The following POLN variants were observed in gnomAD, a reference collection of about 807,000 sequenced individuals.
The protein encoded by POLN is DNA polymerase N.
Under a neutral mutation model 113.5 loss-of-function variants are expected in POLN, and 108 were observed. That is an observed-to-expected ratio of 0.95 (90% confidence interval 0.81 to 1.12). The LOEUF (loss-of-function observed/expected upper bound fraction) is 1.12, where lower values mean the gene tolerates loss of function less well. Ranked by LOEUF, POLN falls within the 50% of genes most tolerant of loss-of-function variation. The probability of loss-of-function intolerance (pLI) is 0.00; values close to 1 mark genes in which losing one functional copy is unlikely to be tolerated. For synonymous variants in POLN, 386 were observed against 391.5 expected (o/e 0.99, Z 0.17); for missense variants, 1,097 against 1,077.1 (o/e 1.02, Z -0.26).
chr4:2,187,293 A>G (rs9996941), intron 7 of POLN, among the ~76,000 whole-genome samples: 37,515 of 152,006 alleles, frequency 0.25, 7,154 homozygotes, highest in African/African-American at 0.52. Context: ...GCTCAGGCGG[A>G]AGTGCAATGG....
intron 16 of POLN, among the ~76,000 whole-genome samples, chr4:2,143,766 T>G (rs1217522465): frequency 6.6e-6 from 1 of 152,042 alleles, no homozygotes; most frequent in Non-Finnish European, 1.5e-5. Flanking sequence ...ACACACAAAA[T>G]CCTTTAATAA....
chr4:2,199,176 G>C (rs1274848968), intron 5 of POLN, among the ~76,000 whole-genome samples: 1 of 151,964 alleles, frequency 6.6e-6, no homozygotes, highest in East Asian at 1.9e-4. Flanking sequence ...TTTTTAAAAC[G>C]ACCATTTATA....
chr4:2,170,688 T>C lies in POLN; in HGVS notation c.1545A>G (p.Ser515=). The change falls in exon 13 of 26, where the codon TCA becomes TCG. Residue 515 remains serine, a synonymous_variant. Transcript: ENST00000511885. ...RTGLQKYPST[S]EAVLNALRDL... ...AACTCTGAAACCTTACCACTGCTTC[T>C]GATGTAGACGGGTATTTCTGCAACC... 6.2e-7 allele frequency: 1 copy of C among 1,612,948 alleles called. No individual in the cohort carries two copies. The highest frequency in any genetic ancestry group is 2.2e-5 in the East Asian group (1 of 44,888).
chr4:2,143,713 A>G (rs1033996564), intron 16 of POLN, among the ~76,000 whole-genome samples: 8 of 152,256 alleles, frequency 5.3e-5, no homozygotes, highest in African/African-American at 1.9e-4. Context: ...AGTACCCTGA[A>G]ACAAAAACCA....
chr4:2,221,764 A>C (rs546367986), intron 3 of POLN, among the ~76,000 whole-genome samples: 2 of 152,206 alleles, frequency 1.3e-5, no homozygotes, highest in East Asian at 3.9e-4. Flanking sequence ...TAGTAGAGAC[A>C]GGGTTCCACC....
At chr4:2,232,266 TC>T (rs1396412684) in intron 2 of POLN, 4 of 523,986 alleles carry the variant, frequency 7.6e-6, no homozygotes, top group Non-Finnish European at 9.8e-6. Flanking sequence ...CTTAATAACT[TC>T]CCGCAATTTT....
intron 13 of POLN, among the ~76,000 whole-genome samples, chr4:2,160,270 C>T (rs909942960): frequency 1.3e-5 from 2 of 152,028 alleles, no homozygotes; most frequent in Admixed American, 6.6e-5. Flanking sequence ...AGCCCCTGTT[C>T]GTGTCTTTTG....
intron 13 of POLN, among the ~76,000 whole-genome samples, chr4:2,161,663 C>T (rs551436): frequency 0.75 from 113,582 of 151,820 alleles, 45,263 homozygotes; most frequent in Non-Finnish European, 0.89. Context: ...GCGCACGGCA[C>T]CGGGACTGGC....
chr4:2,238,696 G>A (rs1734854673), intron 2 of POLN: 1 of 1,612,704 alleles, frequency 6.2e-7, no homozygotes, highest in African/African-American at 1.3e-5. Flanking sequence ...ATTGCTTGTA[G>A]AGCATCATGT....
intron 13 of POLN, among the ~76,000 whole-genome samples, chr4:2,169,297 A>C (rs1732803679): frequency 6.6e-6 from 1 of 152,164 alleles, no homozygotes; most frequent in African/African-American, 2.4e-5. Context: ...CTTTTAAAGG[A>C]TCACTCTAGG....
At position 2,085,644 on chromosome 4, in the gene POLN, G is replaced by C. The variant is rs1730530699; in HGVS notation, c.2166C>G (p.Ala722=). 6.2e-7 allele frequency: 1 copy of C among 1,614,056 alleles called. No individual in the cohort carries two copies. Among genetic ancestry groups the C allele is most frequent in the Non-Finnish European group, 8.5e-7 (1 of 1,180,032 alleles). ...GGTGACACTGGGCAATAGCTGCTCG[G>C]GCGAAGTCCTTGATTTTCTTGTACT... is the stretch of plus-strand genomic sequence containing the variant. ...LQKYKKIKDF[A]RAAIAQCHQT... Residue 722 remains alanine, a synonymous_variant, in exon 21 of 26, where the codon GCC becomes GCG. Transcript: ENST00000511885.
At chr4:2,137,014 C>T (rs1731874005) in intron 16 of POLN, among the ~76,000 whole-genome samples, 1 of 152,248 alleles carries the variant, frequency 6.6e-6, no homozygotes, top group South Asian at 2.1e-4. Context: ...TGCAGAACAG[C>T]CACACGGCAC....
At chr4:2,165,104 T>G (rs970128199) in intron 13 of POLN, among the ~76,000 whole-genome samples, 1 of 152,216 alleles carries the variant, frequency 6.6e-6, no homozygotes, top group Non-Finnish European at 1.5e-5. Context: ...TGAAAATTTA[T>G]GTCCACCTAA....
At chr4:2,216,903 T>C (rs992123197) in intron 3 of POLN, among the ~76,000 whole-genome samples, 2 of 152,194 alleles carry the variant, frequency 1.3e-5, no homozygotes, top group East Asian at 1.9e-4. Context: ...CTATGGGCCA[T>C]GCACAGCATC....
intron 2 of POLN, among the ~76,000 whole-genome samples, chr4:2,235,665 A>G (rs914013512): frequency 2.0e-5 from 3 of 152,254 alleles, no homozygotes; most frequent in African/African-American, 7.2e-5. Flanking sequence ...CCTTCAATAT[A>G]CATGCCTTTG....
At chr4:2,089,680 A>G (rs1730622366) in intron 20 of POLN, 2 of 700,728 alleles carry the variant, frequency 2.9e-6, no homozygotes, top group Non-Finnish European at 4.8e-6. Flanking sequence ...CTGTACTGGA[A>G]TGTTTTAAAA....
intron 11 of POLN, 121 bp downstream of exon 11, chr4:2,173,834 A>G: frequency 2.1e-6 from 2 of 965,036 alleles, no homozygotes; most frequent in Non-Finnish European, 1.6e-6. Flanking sequence ...AGGGAGAAAC[A>G]CTGTCAACAC....
chr4:2,075,377 G>A (rs1730250767), intron 24 of POLN, 75 bp downstream of exon 24: 1 of 1,493,196 alleles, frequency 6.7e-7, no homozygotes, highest in East Asian at 2.3e-5. Context: ...GCTTTCCTGG[G>A]CTGTGCCCAT....
intron 5 of POLN, among the ~76,000 whole-genome samples, chr4:2,202,723 CAAAAA>C (rs34712930): frequency 2.7e-5 from 1 of 36,850 alleles, no homozygotes; most frequent in African/African-American, 1.0e-4. Context: ...GACTCTGTCT[CAAAAA>C]AAAAAAAAAA....
Sources: allele counts gnomAD v4.1 joint callset (sites outside exome capture counted in the v4.1 genomes callset), GRCh38; gene constraint gnomAD v4.1.1; transcripts MANE v1.5; gene names NCBI Gene and HGNC (gene_info 2026-07-23, HGNC 2026-07-21).